The following COX7A2 variants were observed in gnomAD, a reference collection of about 807,000 sequenced individuals.
COX7A2 encodes cytochrome c oxidase subunit 7A2.
COX7A2 carries 11 observed loss-of-function variants against 11.6 expected under a neutral mutation model. The observed-to-expected ratio is 0.95, with a 90% CI of 0.60 to 1.57. COX7A2 has a LOEUF of 1.57. COX7A2 is among the 40% of genes most tolerant of loss of function. COX7A2 has a pLI of 0.00. For missense variants in COX7A2, 106 were observed against 100.9 expected (o/e 1.05, Z -0.22); for synonymous variants, 30 against 38.2 (o/e 0.78, Z 0.79).
intron 3 of COX7A2, 144 bp downstream of exon 3, chr6:75,240,157 T>G: frequency 3.0e-6 from 2 of 664,702 alleles, no homozygotes; most frequent in Non-Finnish European, 5.2e-6. Context: ...GTCACCCTCT[T>G]GAATCATTAT....
At chr6:75,243,849 C>G, upstream of COX7A2, 1 of 1,611,004 alleles carries the variant, frequency 6.2e-7, no homozygotes, top group Non-Finnish European at 8.5e-7. Flanking sequence ...TTAAATCTTT[C>G]CGGGCCGAAG....
At chr6:75,243,879 C>T (rs1771614416), upstream of COX7A2, 3 of 1,555,694 alleles carry the variant, frequency 1.9e-6, no homozygotes, top group Non-Finnish European at 2.6e-6. Context: ...CGCTCCTAAC[C>T]ATAGAGAGCA....
chr6:75,249,292 G>C (rs1771744180), intron 1 of COX7A2, among the ~76,000 whole-genome samples: 1 of 152,176 alleles, frequency 6.6e-6, no homozygotes, highest in South Asian at 2.1e-4. Context: ...CAGAAATTAA[G>C]TCATTCCAGA....
chr6:75,237,926 GAA>G lies in COX7A2; in HGVS notation c.*2_*3del. On this transcript the variant is annotated 3_prime_UTR_variant, in exon 4 of 4. Transcript: ENST00000684430. Reference sequence around the variant, plus strand: ...GAACCAAGCGATTGCTGGGATGACTGAAGTCACTCCTGCTTCTTGGGAAATGA... The same window carrying G: ...GAACCAAGCGATTGCTGGGATGACTGGTCACTCCTGCTTCTTGGGAAATGA... 1 of 1,606,404 alleles carries G rather than the reference GAA, an allele frequency of 6.2e-7. No individual in the cohort carries two copies. The highest frequency in any genetic ancestry group is 2.2e-5 in the East Asian group (1 of 44,806).
At chr6:75,249,730 G>A (rs1193234889) in intron 1 of COX7A2, among the ~76,000 whole-genome samples, 2 of 152,218 alleles carry the variant, frequency 1.3e-5, no homozygotes, top group Non-Finnish European at 2.9e-5. Flanking sequence ...TGAGGTAACA[G>A]TGGAAGGCTG....
rs776175060 is a variant in COX7A2 at position 75,237,990 on chromosome 6, T to C, written c.194-2A>G. On this transcript the variant is annotated splice_acceptor_variant, in intron 3 of 3. Transcript: ENST00000684430. LOFTEE classifies it high-confidence loss of function. ...GCTCATATATGGCATATGCTGTTCCTAAAAATAAAAAACAAAAAAGAACTT... is the reference window on the plus strand; with the variant it reads ...GCTCATATATGGCATATGCTGTTCCCAAAAATAAAAAACAAAAAAGAACTT... 1 of 1,515,352 alleles carries C rather than the reference T, an allele frequency of 6.6e-7. No individual in the cohort carries two copies. The highest frequency in any genetic ancestry group is 8.9e-7 in the Non-Finnish European group (1 of 1,123,526). The allele number at this position is 1,515,352 out of a possible 1,614,324, so 93.9% of individuals were successfully genotyped here.
upstream of COX7A2, chr6:75,243,850 CG>C (rs1562373783): frequency 6.2e-7 from 1 of 1,609,866 alleles, no homozygotes; most frequent in South Asian, 1.1e-5. Flanking sequence ...TAAATCTTTC[CG>C]GGCCGAAGAG....
Position 75,243,714 on chromosome 6 carries a change from C to T in COX7A2, c.18+3G>A, listed in dbSNP as rs1215304364. The T allele has an allele frequency of 2.5e-6, 4 of 1,613,420 alleles. No individual in the cohort carries two copies. In the East Asian group the frequency reaches 8.9e-5, roughly 36 times the overall value. On this transcript the variant is annotated splice_donor_region_variant and intron_variant, in intron 1 of 3. Transcript: ENST00000684430. ...CATGAATGCAAGATGAGAAGCTCCT[C>T]ACCAGCAGATTCCGCAGCATCTTGG...
At chr6:75,246,488 G>T (rs1209727157), upstream of COX7A2, among the ~76,000 whole-genome samples, 1 of 152,140 alleles carries the variant, frequency 6.6e-6, no homozygotes, top group Non-Finnish European at 1.5e-5. Context: ...TTTTTAACGG[G>T]TTTCCCTGTT....
chr6:75,245,353 T>TGGTGGCGGGCGC (rs961340041), upstream of COX7A2, among the ~76,000 whole-genome samples: 2 of 151,956 alleles, frequency 1.3e-5, no homozygotes, highest in African/African-American at 4.8e-5. Context: ...AAGGCGGGCG[T>TGGTGGCGGGCGC]GGTGGCGGGC....
intron 2 of COX7A2, 196 bp from the exon 3 acceptor site, chr6:75,240,581 C>T (rs1771468826): frequency 2.1e-6 from 1 of 468,488 alleles, no homozygotes; most frequent in Non-Finnish European, 3.7e-6. Flanking sequence ...ATAAGAATTC[C>T]TAAAAGTCAG....
intron 1 of COX7A2, among the ~76,000 whole-genome samples, chr6:75,242,987 AAAG>A (rs1429190118): frequency 3.3e-5 from 5 of 152,238 alleles, no homozygotes; most frequent in East Asian, 1.9e-4. Context: ...TACATCTTTT[AAAG>A]AAGAGACATG....
intron 1 of COX7A2, among the ~76,000 whole-genome samples, chr6:75,241,609 C>T (rs1771502545): frequency 6.6e-6 from 1 of 152,100 alleles, no homozygotes; most frequent in Non-Finnish European, 1.5e-5. Flanking sequence ...AGTGCTTAAC[C>T]AAAATACACC....
intron 3 of COX7A2, 132 bp downstream of exon 3, chr6:75,240,167 TGA>T (rs1347034040): frequency 2.9e-6 from 2 of 678,402 alleles, no homozygotes; most frequent in Non-Finnish European, 5.2e-6. Flanking sequence ...TGAATCATTA[TGA>T]GATATAGTAA....
At chr6:75,243,377 C>A (rs535340620) in intron 1 of COX7A2, among the ~76,000 whole-genome samples, 1 of 152,230 alleles carries the variant, frequency 6.6e-6, no homozygotes, top group African/African-American at 2.4e-5. Context: ...GGGTGTCAGA[C>A]ACTCCCCACC....
chr6:75,241,243 CT>C lies in COX7A2; in HGVS notation c.40del (p.Arg14GlyfsTer3), dbSNP rs1771492619. 6.4e-7 allele frequency: 1 copy of C among 1,564,254 alleles called. No individual in the cohort carries two copies. The highest frequency in any genetic ancestry group is 1.2e-5 in the South Asian group (1 of 83,904). ...NLLALRQIGQRTISTASRRHF... is the reference protein window; with the variant it reads ...NLLALRQIGQXTISTASRRHF... ...CCTGCGGGAAGCAGTGCTTATCGTC[CT>C]CTGCCCAATCTGACGAAGAGCCTAA... is the stretch of plus-strand genomic sequence containing the variant. On this transcript the variant is annotated frameshift_variant, in exon 2 of 4. Transcript: ENST00000684430. LOFTEE classifies it high-confidence loss of function.
At position 75,240,394 on chromosome 6, in the gene COX7A2, A is replaced by G; in HGVS notation, c.109-9T>C. ...GGAATTTCATCATCCTCCTAGATTT[A>G]AAAAAAAAAAAAAAAGACAATAATA... On this transcript the variant is annotated splice_polypyrimidine_tract_variant and intron_variant, in intron 2 of 3. Transcript: ENST00000684430. 1 of 444,832 alleles carries G rather than the reference A, an allele frequency of 2.2e-6. No individual in the cohort carries two copies. Among genetic ancestry groups the G allele is most frequent in the Admixed American group, 1.4e-4 (1 of 6,970 alleles). The allele number at this position is 444,832 out of a possible 1,614,324, so 27.6% of individuals were successfully genotyped here. A position where few individuals can be genotyped will look rare whatever the true frequency, so the allele number is the denominator to read the frequency against.
At chr6:75,245,490 CA>C (rs11446150), upstream of COX7A2, among the ~76,000 whole-genome samples, 879 of 132,522 alleles carry the variant, frequency 6.6e-3, 7 homozygotes, top group African/African-American at 0.024. Flanking sequence ...GACTTCATAT[CA>C]AAAAAAAAAA....
At chr6:75,240,101 C>CA (rs901132548) in intron 3 of COX7A2, among the ~76,000 whole-genome samples, 200 bp downstream of exon 3, 10 of 145,290 alleles carry the variant, frequency 6.9e-5, no homozygotes, top group East Asian at 2.0e-4. Context: ...AACTCCATTT[C>CA]AAAAAAAAAA....
Sources: gnomAD v4.1 joint callset for allele counts (sites outside exome capture counted in the v4.1 genomes callset) on GRCh38, gnomAD v4.1.1 for gene constraint, MANE v1.5 for transcripts, NCBI Gene and HGNC (gene_info 2026-07-23, HGNC 2026-07-21) for gene names.